REST: variants seen among roughly 807,000 people sequenced by gnomAD.
The protein encoded by REST is RE1 silencing transcription factor, also known as RE1-silencing transcription factor.
A neutral mutation model predicts 30.4 loss-of-function variants in REST; 1 was observed. The observed-to-expected ratio is 0.03, with a 90% CI of 0.01 to 0.16. The LOEUF (loss-of-function observed/expected upper bound fraction) is 0.16, where lower values mean the gene tolerates loss of function less well. REST is among the 10% of genes least tolerant of loss of function. The pLI, the probability that REST is intolerant of heterozygous loss-of-function variation, is 1.00. For missense variants in REST, 1,259 were observed against 1,329.5 expected, an observed-to-expected ratio of 0.95 and a Z score of 0.82; for synonymous variants, 504 against 451.1, an observed-to-expected ratio of 1.12 and a Z score of -1.49.
At chr4:56,914,922 C>CTTTTTTTTTTTTTTTTTTTTTTTTATCT (rs10589188) in intron 2 of REST, among the ~76,000 whole-genome samples, 1 of 92,116 alleles carries the variant, frequency 1.1e-5, no homozygotes, top group Non-Finnish European at 2.0e-5. Flanking sequence ...TTTTTTTTAA[C>CTTTTTTTTTTTTTTTTTTTTTTTTATCT]TTTTTTTTTT....
At chr4:56,910,204 C>T (rs1719832367) in intron 1 of REST, among the ~76,000 whole-genome samples, 1 of 152,124 alleles carries the variant, frequency 6.6e-6, no homozygotes, top group African/African-American at 2.4e-5. Context: ...TCTGGGCTTT[C>T]TGATTCAGAC....
chr4:56,913,098 G>T (rs1720011183), intron 2 of REST, among the ~76,000 whole-genome samples: 1 of 152,040 alleles, frequency 6.6e-6, no homozygotes, highest in Non-Finnish European at 1.5e-5. Flanking sequence ...GTGCATACTA[G>T]TCATTCACTT....
At chr4:56,921,402 A>G (rs1720444547) in intron 3 of REST, among the ~76,000 whole-genome samples, 1 of 151,982 alleles carries the variant, frequency 6.6e-6, no homozygotes, top group South Asian at 2.1e-4. Flanking sequence ...TTTAAATTTT[A>G]TTTTATTATT....
chr4:56,910,117 G>A (rs1347739180), intron 1 of REST, among the ~76,000 whole-genome samples: 1 of 152,164 alleles, frequency 6.6e-6, no homozygotes, highest in Non-Finnish European at 1.5e-5. Context: ...ATCCAATTAA[G>A]TTGAACAATT....
rs1383730054 is a variant in REST at position 56,935,480 on chromosome 4, G to T, written c.*3328G>T. On this transcript the variant is annotated 3_prime_UTR_variant, in exon 4 of 4. Transcript: ENST00000309042. ...ACATGTGTACATAGGTTCCCTCCCG[G>T]TCCCTTCCATATCCATTAGTTATTG... 1 of 152,094 alleles carries T rather than the reference G, an allele frequency of 6.6e-6. No individual in the cohort carries two copies. The highest frequency in any genetic ancestry group is 1.9e-4 in the East Asian group (1 of 5,194). 9.4% of individuals were successfully genotyped at this position (152,094 alleles called of 1,614,324 possible). A position where few individuals can be genotyped will look rare whatever the true frequency, so the allele number is the denominator to read the frequency against.
At chr4:56,923,401 A>T (rs1437336382) in intron 3 of REST, among the ~76,000 whole-genome samples, 1 of 152,156 alleles carries the variant, frequency 6.6e-6, no homozygotes. Flanking sequence ...CTGAGTCGCT[A>T]GGTCTACTGG....
At chr4:56,916,200 C>A (rs1172653099) in intron 2 of REST, among the ~76,000 whole-genome samples, 6 of 152,164 alleles carry the variant, frequency 3.9e-5, no homozygotes, top group African/African-American at 1.4e-4. Flanking sequence ...TTCTGGTTGA[C>A]CTCTTTAGTT....
At chr4:56,911,891 G>A (rs1719937655) in intron 2 of REST, among the ~76,000 whole-genome samples, 1 of 152,194 alleles carries the variant, frequency 6.6e-6, no homozygotes, top group Admixed American at 6.5e-5. Flanking sequence ...GGGAGGCCGA[G>A]GCGTAAGGAC....
chr4:56,930,527 G>A lies in REST; in HGVS notation c.1669G>A (p.Glu557Lys), dbSNP rs1720910660. The A allele has an allele frequency of 6.2e-7, 1 of 1,611,092 alleles. No homozygotes were observed. Among genetic ancestry groups the A allele is most frequent in the East Asian group, 2.2e-5 (1 of 44,884 alleles). ...VESKSKNNSQ[E>K]VPKGDSKVEE... is the part of the protein sequence containing the mutation. The stretch of plus-strand genomic sequence containing the variant: ...AAGCAAATCCAAAAATAATAGTCAG[G>A]AAGTGCCAAAGGGTGACAGCAAAGT... The change falls in exon 4 of 4, where the codon GAA (glutamate) becomes AAA (lysine). Residue 557 changes from glutamate (E) to lysine (K), a missense_variant. This residue lies in a region of REST where 856 missense variants were observed against 772.8 expected (regional missense o/e 1.11). Transcript: ENST00000309042.
intron 2 of REST, among the ~76,000 whole-genome samples, chr4:56,919,366 A>G (rs1720345970): frequency 6.6e-6 from 1 of 152,138 alleles, no homozygotes; most frequent in African/African-American, 2.4e-5. Context: ...TAGATTCATC[A>G]TTTACAAGTT....
chr4:56,925,906 TGCTC>T (rs1419247045), intron 3 of REST, among the ~76,000 whole-genome samples: 2 of 152,192 alleles, frequency 1.3e-5, no homozygotes, highest in Non-Finnish European at 2.9e-5. Flanking sequence ...GATGCATGCT[TGCTC>T]TATAGATCTC....
intron 2 of REST, among the ~76,000 whole-genome samples, chr4:56,916,593 C>T (rs911940896): frequency 2.0e-5 from 3 of 151,676 alleles, no homozygotes; most frequent in Non-Finnish European, 4.4e-5. Flanking sequence ...GCCAAAATCG[C>T]GCCACTGCAC....
chr4:56,907,982 C>A lies in REST; in HGVS notation c.-241C>A. ...CAGCGGAGCGAGCGCCGCCGAGGCC[C>A]GGGGCCCCAGACCCTGGCGGCGGCT... On this transcript the variant is annotated 5_prime_UTR_variant, in exon 1 of 4. Coordinates refer to ENST00000309042, the MANE Select transcript of REST (RefSeq NM_005612.5). 2.7e-6 allele frequency: 1 copy of A among 366,196 alleles called. No individual in the cohort carries two copies. Among genetic ancestry groups the A allele is most frequent in the Admixed American group, 4.6e-5 (1 of 21,516 alleles). 22.7% of individuals were successfully genotyped at this position (366,196 alleles called of 1,614,324 possible).
rs1719697091 is a variant in REST, at chr4:56,907,975, C to T, written c.-248C>T. ...GGCGCAGCAGCGGAGCGAGCGCCGC[C>T]GAGGCCCGGGGCCCCAGACCCTGGC... On this transcript the variant is annotated 5_prime_UTR_variant, in exon 1 of 4. An upstream open reading frame in the 5' UTR gains an earlier in-frame stop. Transcript: ENST00000309042. 5.5e-6 allele frequency: 2 copies of T among 361,706 alleles called. No individual in the cohort carries two copies. The highest frequency in any genetic ancestry group is 9.9e-6 in the Non-Finnish European group (2 of 202,530). 22.4% of individuals were successfully genotyped at this position (361,706 alleles called of 1,614,324 possible).
chr4:56,911,376 A>G lies in REST; in HGVS notation c.738A>G (p.Arg246=). The G allele has an allele frequency of 6.2e-7, 1 of 1,614,206 alleles. No homozygotes were observed. The highest frequency in any genetic ancestry group is 1.1e-5 in the South Asian group (1 of 91,084). Residue 246 remains arginine, a synonymous_variant, in exon 2 of 4, where the codon CGA becomes CGG. Coordinates refer to ENST00000309042, the MANE Select transcript of REST (RefSeq NM_005612.5). ...KHHTRAGDNE[R]VYKCIICTYT... ...ACACCAGAGCTGGGGATAATGAGCG[A>G]GTCTACAAGTGTATCATTTGCACAT...
At position 56,919,889 on chromosome 4, in the gene REST, C is replaced by G. The variant is rs1720369700; in HGVS notation, c.982+19C>G. On this transcript the variant is annotated intron_variant, in intron 3 of 3. Transcript: ENST00000309042. ...CATTCAGGTTGGTAAGAAATTGGAA[C>G]TTTTCTATCATTTTCAGTAAATGAC... 1.4e-6 allele frequency: 2 copies of G among 1,385,540 alleles called. No homozygotes were observed. Among genetic ancestry groups the G allele is most frequent in the Admixed American group, 1.8e-5 (1 of 54,972 alleles). 85.8% of individuals were successfully genotyped at this position (1,385,540 alleles called of 1,614,324 possible).
rs1041956669 is a variant in REST at position 56,935,783 on chromosome 4, A to G, written c.*3631A>G. Reference sequence around the variant, plus strand: ...ATAAGTTAAACTTAAATTGCATTCTATTAACCAATATGAGTGTATTTCTGT... The same window carrying G: ...ATAAGTTAAACTTAAATTGCATTCTGTTAACCAATATGAGTGTATTTCTGT... On this transcript the variant is annotated 3_prime_UTR_variant, in exon 4 of 4. Transcript: ENST00000309042. The G allele has an allele frequency of 2.6e-5, 4 of 152,252 alleles. No homozygotes were observed. The highest frequency in any genetic ancestry group is 1.3e-4 in the Admixed American group (2 of 15,286). 9.4% of individuals were successfully genotyped at this position (152,252 alleles called of 1,614,324 possible). A position where few individuals can be genotyped will look rare whatever the true frequency, so the allele number is the denominator to read the frequency against.
intron 2 of REST, among the ~76,000 whole-genome samples, chr4:56,912,089 A>G (rs1719954912): frequency 1.3e-5 from 2 of 152,264 alleles, no homozygotes; most frequent in South Asian, 4.1e-4. Flanking sequence ...AACCTTGCAC[A>G]TGCCCACTTA....
chr4:56,915,246 T>A (rs1292297087), intron 2 of REST, among the ~76,000 whole-genome samples: 2 of 134,538 alleles, frequency 1.5e-5, no homozygotes, highest in Non-Finnish European at 3.2e-5. Context: ...GTGTATTTTT[T>A]TTTTTTTTTT....
Sources: gnomAD v4.1 joint callset for allele counts (sites outside exome capture counted in the v4.1 genomes callset) on GRCh38, gnomAD v4.1.1 for gene constraint, gnomAD v4.1.1 regional missense constraint, MANE v1.5 for transcripts, NCBI Gene and HGNC (gene_info 2026-07-23, HGNC 2026-07-21) for gene names.